SMC2: variants seen among roughly 807,000 people sequenced by gnomAD.
The protein encoded by SMC2 is structural maintenance of chromosomes protein 2.
A neutral mutation model predicts 142.6 loss-of-function variants in SMC2; 41 were observed. The ratio of observed to expected loss-of-function variants is 0.29; its 90% CI spans 0.22 to 0.37. The LOEUF (loss-of-function observed/expected upper bound fraction) is 0.37. SMC2 is among the 10% of genes least tolerant of loss of function. The pLI, the probability that SMC2 is intolerant of heterozygous loss-of-function variation, is 1.00. For missense variants in SMC2, 1,265 were observed against 1,373.7 expected (o/e 0.92, Z 1.25); for synonymous variants, 463 against 457.5 (o/e 1.01, Z -0.15).
Position 104,127,266 on chromosome 9 carries a change from C to T in SMC2, c.2596-20C>T. On this transcript the variant is annotated intron_variant, in intron 19 of 24. Coordinates refer to ENST00000374793, the MANE Select transcript of SMC2 (RefSeq NM_006444.3). ...TACATGTTACCTCACCACATATTTTCTTTAATTTTTTTGTTTTAGGAGTCA... is the reference window on the plus strand; with the variant it reads ...TACATGTTACCTCACCACATATTTTTTTTAATTTTTTTGTTTTAGGAGTCA... 6.6e-7 allele frequency: 1 copy of T among 1,524,946 alleles called. No individual in the cohort carries two copies. Among genetic ancestry groups the T allele is most frequent in the Non-Finnish European group, 8.8e-7 (1 of 1,134,250 alleles). The allele number at this position is 1,524,946 out of a possible 1,614,324, so 94.5% of individuals were successfully genotyped here.
chr9:104,095,146 G>T (rs890806648), intron 1 of SMC2, among the ~76,000 whole-genome samples, 178 bp from the exon 2 acceptor site: 1 of 152,226 alleles, frequency 6.6e-6, no homozygotes, highest in African/African-American at 2.4e-5. Context: ...TTAATTTCCA[G>T]ATAGTGGCTA....
At chr9:104,090,639 T>A (rs1829971987), upstream of SMC2, among the ~76,000 whole-genome samples, 1 of 152,190 alleles carries the variant, frequency 6.6e-6, no homozygotes, top group Non-Finnish European at 1.5e-5. Context: ...ATGCTTCAGA[T>A]CTTTAAGAGC....
Position 104,118,214 on chromosome 9 carries a change from A to G in SMC2, c.1835A>G (p.Tyr612Cys). The G allele has an allele frequency of 6.2e-7, 1 of 1,613,898 alleles. No individual in the cohort carries two copies. ...NVHVALSLVEYKPELQKAMEF... is the reference protein window; with the variant it reads ...NVHVALSLVECKPELQKAMEF... ...CATGTGGCTCTTTCCTTGGTTGAAT[A>G]TAAACCAGAACTTCAGAAAGCAATG... The change falls in exon 15 of 25, where the codon TAT becomes TGT. Residue 612 changes from tyrosine (Y) to cysteine (C), a missense_variant. Transcript: ENST00000374793.
chr9:104,094,747 A>G (rs112228874), intron 1 of SMC2: 4,493 of 253,198 alleles, frequency 0.018, 60 homozygotes, highest in Middle Eastern at 0.038. Flanking sequence ...TCTAGTAAAT[A>G]CTTAAATGAC....
At chr9:104,115,573 A>AGAC (rs1296778244) in intron 13 of SMC2, among the ~76,000 whole-genome samples, 1 of 151,460 alleles carries the variant, frequency 6.6e-6, no homozygotes, top group Non-Finnish European at 1.5e-5. Context: ...CAACAGAGGA[A>AGAC]GACTGTATCT....
intron 9 of SMC2, among the ~76,000 whole-genome samples, chr9:104,105,188 C>CGAGTGCTTTATAAAG (rs1831614659): frequency 6.6e-6 from 1 of 152,216 alleles, no homozygotes; most frequent in South Asian, 2.1e-4. Flanking sequence ...CACTTAAACC[C>CGAGTGCTTTATAAAG]AGAGTCAGTA....
intron 20 of SMC2, among the ~76,000 whole-genome samples, chr9:104,128,463 G>C (rs1816936014): frequency 6.6e-6 from 1 of 152,176 alleles, no homozygotes; most frequent in South Asian, 2.1e-4. Context: ...GGACTTGCAA[G>C]TGGGTCTGCT....
intron 9 of SMC2, among the ~76,000 whole-genome samples, chr9:104,110,461 T>C (rs1832301571): frequency 6.6e-6 from 1 of 150,414 alleles, no homozygotes; most frequent in African/African-American, 2.5e-5. Context: ...AAAATATGAG[T>C]TAATTGTGTT....
chr9:104,113,467 A>G lies in SMC2; in HGVS notation c.1406A>G (p.Asn469Ser), dbSNP rs1233305273. 3.1e-6 allele frequency: 5 copies of G among 1,599,654 alleles called. No homozygotes were observed. The highest frequency in any genetic ancestry group is 1.7e-4 in the Middle Eastern group (1 of 5,876). The change falls in exon 11 of 25, where the codon AAT becomes AGT. Residue 469 changes from asparagine to serine, a missense_variant. Around this residue, in one of 4 missense-constraint regions of SMC2, gnomAD observed 898 missense variants for 904.2 expected, o/e 0.99. Transcript: ENST00000374793. The stretch of plus-strand genomic sequence containing the variant: ...CTTGAAGCTGAAATGAAAAAGCTAA[A>G]TTATGAAGGTTTGCCTTTAAAAACA... ...EKLEAEMKKLNYEENKEESLL... is the reference protein window; with the variant it reads ...EKLEAEMKKLSYEENKEESLL...
chr9:104,113,958 C>A lies in SMC2; in HGVS notation c.1415-6C>A. The A allele has an allele frequency of 6.5e-7, 1 of 1,526,956 alleles. No homozygotes were observed. The highest frequency in any genetic ancestry group is 8.8e-7 in the Non-Finnish European group (1 of 1,130,402). The allele number at this position is 1,526,956 out of a possible 1,614,324, so 94.6% of individuals were successfully genotyped here. ...TGGTTTTAATTTATTATGATTTATC[C>A]TTCAGAAAATAAAGAGGAAAGCCTT... On this transcript the variant is annotated splice_polypyrimidine_tract_variant and splice_region_variant and intron_variant, in intron 11 of 24. Coordinates refer to ENST00000374793, the MANE Select transcript of SMC2 (RefSeq NM_006444.3).
At chr9:104,118,044 A>G (rs1833326638) in intron 14 of SMC2, 127 bp from the exon 15 acceptor site, 1 of 665,328 alleles carries the variant, frequency 1.5e-6, no homozygotes, top group Non-Finnish European at 2.4e-6. Flanking sequence ...GAAAATTCAG[A>G]AAGAGTTTTA....
intron 4 of SMC2, 60 bp downstream of exon 4, chr9:104,098,628 A>C: frequency 1.3e-6 from 2 of 1,497,814 alleles, no homozygotes; most frequent in Admixed American, 4.4e-5. Context: ...TTTACTTTTA[A>C]GCAATTAAAA....
chr9:104,137,724 T>C (rs1156931882), intron 23 of SMC2, among the ~76,000 whole-genome samples: 1 of 152,110 alleles, frequency 6.6e-6, no homozygotes, highest in African/African-American at 2.4e-5. Flanking sequence ...CAAAAAGAAA[T>C]TTTAAAACTA....
chr9:104,122,019 C>T (rs1390533802), intron 16 of SMC2, among the ~76,000 whole-genome samples: 5 of 152,140 alleles, frequency 3.3e-5, no homozygotes, highest in African/African-American at 1.2e-4. Context: ...TTTCAAACAT[C>T]ACATACATGT....
upstream of SMC2, among the ~76,000 whole-genome samples, chr9:104,089,928 G>A (rs1017962356): frequency 2.0e-5 from 3 of 151,970 alleles, no homozygotes; most frequent in African/African-American, 7.3e-5. Context: ...TTACAGGCAT[G>A]AGCCACCGTG....
At chr9:104,109,762 GAAGTT>G (rs775121553) in intron 9 of SMC2, among the ~76,000 whole-genome samples, 61 of 152,152 alleles carry the variant, frequency 4.0e-4, no homozygotes, top group African/African-American at 1.3e-3. Context: ...AAATTAAGAA[GAAGTT>G]AAGTTGTCAT....
Position 104,095,504 on chromosome 9 carries a change from C to A in SMC2, c.120C>A (p.Asn40Lys), listed in dbSNP as rs1451109943. ...GCTTAAATGGTAGTGGGAAATCCAA[C>A]ATATTGGACTCCATCTGCTTTTTGC... is the stretch of plus-strand genomic sequence containing the variant. ...ITGLNGSGKSNILDSICFLLG... is the reference protein window; with the variant it reads ...ITGLNGSGKSKILDSICFLLG... The change falls in exon 2 of 25, where the codon AAC becomes AAA. Residue 40 changes from asparagine (N) to lysine (K), a missense_variant. By Grantham distance (94) the Asn-to-Lys change is moderately conservative (BLOSUM62 0). Around this residue, in one of 4 missense-constraint regions of SMC2, gnomAD observed 168 missense variants for 184.8 expected, o/e 0.91. Transcript: ENST00000374793. 1 of 1,613,928 alleles carries A rather than the reference C, an allele frequency of 6.2e-7. No individual in the cohort carries two copies. The highest frequency in any genetic ancestry group is 1.1e-5 in the South Asian group (1 of 91,082).
intron 15 of SMC2, among the ~76,000 whole-genome samples, chr9:104,119,071 C>T (rs1312686813): frequency 3.3e-5 from 5 of 152,082 alleles, no homozygotes; most frequent in Non-Finnish European, 5.9e-5. Flanking sequence ...ACCCAGTAGA[C>T]GGCATAAAGC....
upstream of SMC2, among the ~76,000 whole-genome samples, chr9:104,091,651 AC>A (rs1829982367): frequency 6.6e-6 from 1 of 152,194 alleles, no homozygotes; most frequent in Non-Finnish European, 1.5e-5. Context: ...AGTCTTCCTT[AC>A]TTCTGCGGTA....
Sources: gnomAD v4.1 joint callset for allele counts (sites outside exome capture counted in the v4.1 genomes callset) on GRCh38, gnomAD v4.1.1 for gene constraint, gnomAD v4.1.1 regional missense constraint, MANE v1.5 for transcripts, NCBI Gene and HGNC (gene_info 2026-07-23, HGNC 2026-07-21) for gene names.